The following LIMS1 variants were observed in gnomAD, a reference collection of about 807,000 sequenced individuals.
LIMS1 encodes the protein LIM and senescent cell antigen-like-containing domain protein 1.
Under a neutral mutation model 44.1 loss-of-function variants are expected in LIMS1, and 18 were observed. The observed-to-expected ratio is 0.41, with a 90% confidence interval of 0.28 to 0.61. LIMS1 has a LOEUF of 0.61. Among genes scored for constraint, LIMS1 ranks in the 20% least tolerant of loss-of-function variants. LIMS1 has a pLI of 0.32. For synonymous variants in LIMS1, 93 were observed against 149.1 expected, an observed-to-expected ratio of 0.62 and a Z score of 2.74; for missense variants, 201 against 422.0, an observed-to-expected ratio of 0.48 and a Z score of 4.59.
intron 1 of LIMS1, among the ~76,000 whole-genome samples, chr2:108,640,695 T>C (rs1162922603): frequency 6.6e-6 from 1 of 152,234 alleles, no homozygotes; most frequent in East Asian, 1.9e-4. Context: ...ATGGGGTGCA[T>C]GTGTTATTTT....
At chr2:108,636,514 T>C (rs546017511) in intron 1 of LIMS1, among the ~76,000 whole-genome samples, 95 of 152,272 alleles carry the variant, frequency 6.2e-4, no homozygotes, top group Non-Finnish European at 7.6e-4. Flanking sequence ...CTGCAGTGTC[T>C]CTCCAGCACC....
chr2:108,575,759 C>A (rs868053295), intron 1 of LIMS1, among the ~76,000 whole-genome samples: 3 of 152,142 alleles, frequency 2.0e-5, no homozygotes, highest in African/African-American at 7.2e-5. Context: ...TTGCAGAAAT[C>A]AATCCTGAGT....
At chr2:108,560,690 CTTCGA>C (rs753244979) in intron 1 of LIMS1, among the ~76,000 whole-genome samples, 7 of 151,922 alleles carry the variant, frequency 4.6e-5, no homozygotes, top group Non-Finnish European at 5.9e-5. Context: ...ACACACACAG[CTTCGA>C]TGGATGGATG....
At chr2:108,597,841 C>T (rs1051712367) in intron 1 of LIMS1, among the ~76,000 whole-genome samples, 2 of 151,764 alleles carry the variant, frequency 1.3e-5, no homozygotes, top group African/African-American at 2.4e-5. Context: ...TACAGGCGCC[C>T]GCTGCCACAC....
In LIMS1 at chr2:108,672,078, A is replaced by G. The variant is rs1218115773; in HGVS notation, c.260-247A>G. Among the ~76,000 whole-genome samples the G allele has an allele frequency of 2.6e-5, 4 of 150,990 alleles. No individual in the cohort carries two copies. In the East Asian group the frequency reaches 7.8e-4, roughly 30 times the overall value. ...GCTACTTGGGAGGCTGAGGCAGGAG[A>G]ATCGCTTGAACCCGGGAGGCAGAGG... On this transcript the variant is annotated intron_variant, in intron 3 of 9. Coordinates refer to ENST00000544547, the Ensembl canonical transcript of LIMS1.
chr2:108,596,915 G>GTTTTTTTTTTTTTTTTTTT (rs34313967), intron 1 of LIMS1, among the ~76,000 whole-genome samples: 1 of 68,444 alleles, frequency 1.5e-5, no homozygotes. Flanking sequence ...CGAAACATCT[G>GTTTTTTTTTTTTTTTTTTT]TTTTTTTTTT....
In LIMS1 at chr2:108,556,080, C is replaced by T. The variant is rs529917638; in HGVS notation, c.32+21486C>T. On this transcript the variant is annotated intron_variant, in intron 1 of 9. Coordinates refer to ENST00000544547, the Ensembl canonical transcript of LIMS1. ...TGACAGTAACTTCACATTCACAATG[C>T]GATTAAACAATAACTCCCATTCTGC... 1.4e-4 allele frequency among the ~76,000 whole-genome samples: 21 copies of T among 152,120 alleles called. No individual in the cohort carries two copies. The East Asian group carries it at 3.9e-3, about 28-fold the overall frequency.
At chr2:108,544,123 G>T (rs1375712680) in intron 1 of LIMS1, among the ~76,000 whole-genome samples, 2 of 152,162 alleles carry the variant, frequency 1.3e-5, no homozygotes, top group Non-Finnish European at 2.9e-5. Context: ...GTGGTAATTT[G>T]TTAGTAGTTA....
At chr2:108,556,558 T>G (rs1198297960) in intron 1 of LIMS1, among the ~76,000 whole-genome samples, 2 of 152,184 alleles carry the variant, frequency 1.3e-5, no homozygotes, top group African/African-American at 4.8e-5. Context: ...AACTCTTATG[T>G]TATTTATATT....
rs1688079793 is a variant in LIMS1, at chr2:108,618,865, T to G, written c.33-40740T>G. Among the ~76,000 whole-genome samples, 4 of 150,530 alleles carry G rather than the reference T, an allele frequency of 2.7e-5. No homozygotes were observed. The South Asian group carries it at 8.5e-4, about 32-fold the overall frequency. ...AAAAAGATCCTGGTTAAAAAGGCCT[T>G]CCCCAAAGGCCCAGAATTTAATTTT... On this transcript the variant is annotated intron_variant, in intron 1 of 9. Coordinates refer to ENST00000544547, the Ensembl canonical transcript of LIMS1.
At chr2:108,648,645 A>C (rs1350297935) in intron 1 of LIMS1, among the ~76,000 whole-genome samples, 1 of 152,210 alleles carries the variant, frequency 6.6e-6, no homozygotes, top group Non-Finnish European at 1.5e-5. Flanking sequence ...ATATAAACCA[A>C]TGGAACAGAA....
intron 1 of LIMS1, among the ~76,000 whole-genome samples, chr2:108,604,149 CTT>C (rs1006194562): frequency 6.6e-6 from 1 of 152,062 alleles, no homozygotes; most frequent in African/African-American, 2.4e-5. Flanking sequence ...CAAAATTCCT[CTT>C]GTTATTTATT....
At chr2:108,573,869 A>G (rs77693621) in intron 1 of LIMS1, among the ~76,000 whole-genome samples, 3,932 of 152,266 alleles carry the variant, frequency 0.026, 128 homozygotes, top group South Asian at 0.14. Context: ...CAGGCTGAGG[A>G]AGAGAAGACT....
At chr2:108,670,605 T>G (rs1240303437) in intron 2 of LIMS1, among the ~76,000 whole-genome samples, 176 bp from the exon 3 acceptor site, 1 of 152,092 alleles carries the variant, frequency 6.6e-6, no homozygotes, top group African/African-American at 2.4e-5. Context: ...TGTACCAACA[T>G]GTAGATGTAT....
chr2:108,615,879 C>T (rs1430721990), intron 1 of LIMS1, among the ~76,000 whole-genome samples: 1 of 152,154 alleles, frequency 6.6e-6, no homozygotes, highest in Non-Finnish European at 1.5e-5. Context: ...AAATGACTTC[C>T]TGTGTACTTA....
chr2:108,558,712 C>T, intron 1 of LIMS1, among the ~76,000 whole-genome samples: 1 of 150,886 alleles, frequency 6.6e-6, no homozygotes. Context: ...ACTCTGTCAC[C>T]CAGGCTGGAA....
chr2:108,636,504 C>T (rs1040756079), intron 1 of LIMS1, among the ~76,000 whole-genome samples: 1 of 152,310 alleles, frequency 6.6e-6, no homozygotes, highest in Admixed American at 6.5e-5. Flanking sequence ...CCTCTTCCTC[C>T]TGCAGTGTCT....
intron 1 of LIMS1, among the ~76,000 whole-genome samples, chr2:108,586,152 ACTGCACTCCAGCCTG>A (rs1401558059): frequency 1.4e-4 from 21 of 152,178 alleles, no homozygotes; most frequent in Non-Finnish European, 4.4e-5. Flanking sequence ...AGATTGCGCC[ACTGCACTCCAGCCTG>A]GACGACAGAG....
chr2:108,581,442 G>C (rs577877416), intron 1 of LIMS1, among the ~76,000 whole-genome samples: 35 of 152,222 alleles, frequency 2.3e-4, no homozygotes, highest in African/African-American at 8.2e-4. Flanking sequence ...TTGTCATTGG[G>C]ACACTAAAAC....
Sources: gnomAD v4.1 joint callset for allele counts (sites outside exome capture counted in the v4.1 genomes callset) on GRCh38, gnomAD v4.1.1 for gene constraint, MANE v1.5 for transcripts, NCBI Gene and HGNC (gene_info 2026-07-23, HGNC 2026-07-21) for gene names.